The following SEMA6D variants were observed in gnomAD, a reference collection of about 807,000 sequenced individuals.
The protein encoded by SEMA6D is semaphorin-6D.
In SEMA6D, 35 loss-of-function variants were observed where a neutral mutation model predicts 106.6. The ratio of observed to expected loss-of-function variants is 0.33; its 90% CI spans 0.25 to 0.44. The LOEUF is 0.44. SEMA6D is among the 20% of genes least tolerant of loss of function. The pLI, the probability that SEMA6D is intolerant of heterozygous loss-of-function variation, is 1.00. For synonymous variants in SEMA6D, 499 were observed against 487.7 expected (o/e 1.02, Z -0.31); for missense variants, 1,185 against 1,345.9 (o/e 0.88, Z 1.87).
intron 2 of SEMA6D, among the ~76,000 whole-genome samples, chr15:47,419,674 G>A (rs1340442794): frequency 1.3e-5 from 2 of 152,154 alleles, no homozygotes; most frequent in Non-Finnish European, 2.9e-5. Context: ...AGTGGAATGG[G>A]CGTTATCTGG....
intron 1 of SEMA6D, among the ~76,000 whole-genome samples, chr15:47,363,033 AAATAAT>A (rs909471366): frequency 2.0e-5 from 3 of 151,858 alleles, no homozygotes; most frequent in African/African-American, 4.8e-5. Flanking sequence ...AAAAGTCTCC[AAATAAT>A]AATAATAATA....
chr15:47,699,774 T>C (rs2078771698), intron 4 of SEMA6D, among the ~76,000 whole-genome samples: 1 of 152,268 alleles, frequency 6.6e-6, no homozygotes, highest in African/African-American at 2.4e-5. Context: ...CACTTCTCGC[T>C]ACTGCTTTTT....
At position 47,434,840 on chromosome 15, in the gene SEMA6D, G is replaced by A. The variant is rs556699686; in HGVS notation, c.-159+22368G>A. On this transcript the variant is annotated intron_variant, in intron 2 of 19. Coordinates refer to the SEMA6D transcript ENST00000558014. The stretch of plus-strand genomic sequence containing the variant: ...GGAATATGTGTGTTTATATCAGTGC[G>A]TTCTTTGTAAGAAATATGCCAGATG... Among the ~76,000 whole-genome samples, 281 of 152,204 alleles carry A rather than the reference G, an allele frequency of 1.8e-3. 1 individual carries two copies. The highest frequency in any genetic ancestry group is 6.8e-3 in the Middle Eastern group (2 of 294).
chr15:47,665,740 G>T (rs188791638), intron 4 of SEMA6D, among the ~76,000 whole-genome samples: 2,540 of 152,324 alleles, frequency 0.017, 32 homozygotes, highest in Middle Eastern at 0.065. Flanking sequence ...AACCCAGGAG[G>T]TGGAGGTTGC....
intron 1 of SEMA6D, among the ~76,000 whole-genome samples, chr15:47,389,732 T>C (rs2039964350): frequency 6.6e-6 from 1 of 152,236 alleles, no homozygotes; most frequent in African/African-American, 2.4e-5. Context: ...CCCAGTTGTT[T>C]AGGCTGGAAA....
At chr15:47,411,003 G>C (rs2040775529) in intron 1 of SEMA6D, among the ~76,000 whole-genome samples, 1 of 151,108 alleles carries the variant, frequency 6.6e-6, no homozygotes, top group Non-Finnish European at 1.5e-5. Context: ...AGTGGCTGTG[G>C]CCTGACTCAT....
intron 1 of SEMA6D, among the ~76,000 whole-genome samples, chr15:47,330,050 C>T (rs2144053413): frequency 6.6e-6 from 1 of 152,356 alleles, no homozygotes; most frequent in Middle Eastern, 3.4e-3. Flanking sequence ...GGCACCTTTA[C>T]TGATCGTATA....
intron 1 of SEMA6D, among the ~76,000 whole-genome samples, chr15:47,259,300 A>G (rs1168285732): frequency 1.3e-5 from 2 of 152,074 alleles, no homozygotes; most frequent in Non-Finnish European, 2.9e-5. Context: ...ATTTATGATT[A>G]CCTTTTTGTT....
intron 2 of SEMA6D, among the ~76,000 whole-genome samples, chr15:47,419,628 T>C (rs1567066580): frequency 6.6e-6 from 1 of 152,040 alleles, no homozygotes; most frequent in Non-Finnish European, 1.5e-5. Context: ...GTAAGAGGGA[T>C]CTAGGAGAGT....
intron 4 of SEMA6D, among the ~76,000 whole-genome samples, chr15:47,688,849 T>C (rs866303409): frequency 6.6e-6 from 1 of 152,208 alleles, no homozygotes. Context: ...ATCTCAGTTA[T>C]GTAAATTTTT....
intron 4 of SEMA6D, among the ~76,000 whole-genome samples, chr15:47,649,125 G>A (rs558799129): frequency 6.6e-6 from 1 of 152,224 alleles, no homozygotes; most frequent in East Asian, 1.9e-4. Flanking sequence ...CCTTCCTGCA[G>A]CTCTATGTCT....
chr15:47,751,274 C>G (rs1319920933), intron 1 of SEMA6D, among the ~76,000 whole-genome samples: 1 of 152,158 alleles, frequency 6.6e-6, no homozygotes, highest in African/African-American at 2.4e-5. Context: ...AAACCTAAAC[C>G]TCCCTTTTAT....
chr15:47,635,188 G>A (rs1230923340), intron 4 of SEMA6D, among the ~76,000 whole-genome samples: 2 of 152,132 alleles, frequency 1.3e-5, no homozygotes, highest in East Asian at 3.9e-4. Flanking sequence ...ATGATGATCA[G>A]AAGGCAGAAG....
At chr15:47,469,790 T>C (rs2042775665) in intron 2 of SEMA6D, among the ~76,000 whole-genome samples, 1 of 152,194 alleles carries the variant, frequency 6.6e-6, no homozygotes, top group Non-Finnish European at 1.5e-5. Context: ...TTATTACTAC[T>C]TTTAAGATCT....
chr15:47,747,188 A>G (rs541162264), intron 1 of SEMA6D, among the ~76,000 whole-genome samples: 7 of 152,102 alleles, frequency 4.6e-5, no homozygotes, highest in South Asian at 4.2e-4. Flanking sequence ...TTCTAGGACA[A>G]TTTTGCTTTA....
chr15:47,521,984 C>CAAA (rs61136000), intron 3 of SEMA6D, among the ~76,000 whole-genome samples: 9 of 82,022 alleles, frequency 1.1e-4, no homozygotes, highest in African/African-American at 2.8e-4. Flanking sequence ...GACTCCGTCT[C>CAAA]AAAAAAAAAA....
intron 1 of SEMA6D, among the ~76,000 whole-genome samples, chr15:47,351,369 G>A (rs185590231): frequency 1.6e-4 from 25 of 152,140 alleles, no homozygotes; most frequent in African/African-American, 5.1e-4. Context: ...TTAGTGCATC[G>A]TCTCATTTTG....
chr15:47,505,033 G>A (rs1034075755), intron 3 of SEMA6D, among the ~76,000 whole-genome samples: 1 of 152,150 alleles, frequency 6.6e-6, no homozygotes. Flanking sequence ...ACAGAAAACA[G>A]AATTACAGTG....
At chr15:47,515,872 C>T (rs559052962) in intron 3 of SEMA6D, among the ~76,000 whole-genome samples, 1 of 152,288 alleles carries the variant, frequency 6.6e-6, no homozygotes, top group East Asian at 1.9e-4. Flanking sequence ...GCAGAACCAA[C>T]AAATAGGGCA....
Sources: allele counts gnomAD v4.1 joint callset (sites outside exome capture counted in the v4.1 genomes callset), GRCh38; gene constraint gnomAD v4.1.1; transcripts MANE v1.5; gene names NCBI Gene and HGNC (gene_info 2026-07-23, HGNC 2026-07-21).